The following ECT2 variants were observed in gnomAD, a reference collection of about 807,000 sequenced individuals.
ECT2 encodes epithelial cell transforming 2.
ECT2 carries 61 observed loss-of-function variants against 116.9 expected under a neutral mutation model. That is an observed-to-expected ratio of 0.52 (90% CI 0.42 to 0.65). The LOEUF is 0.65. Ranked by LOEUF, ECT2 falls within the 30% of genes least tolerant of loss-of-function variation. The pLI is 0.00. For missense variants in ECT2, 937 were observed against 1,078.7 expected, an observed-to-expected ratio of 0.87 and a Z score of 1.84; for synonymous variants, 358 against 346.4, an observed-to-expected ratio of 1.03 and a Z score of -0.37.
intron 1 of ECT2, among the ~76,000 whole-genome samples, chr3:172,753,091 AT>A (rs1168211615): frequency 2.0e-5 from 3 of 152,152 alleles, no homozygotes; most frequent in Non-Finnish European, 2.9e-5. Context: ...TGATAAAAAA[AT>A]CTCTAAAAAA....
chr3:172,824,821 C>G (rs1730803494), downstream of ECT2, among the ~76,000 whole-genome samples: 1 of 152,142 alleles, frequency 6.6e-6, no homozygotes, highest in South Asian at 2.1e-4. Context: ...TGTTCTACTA[C>G]CACAATGATG....
At chr3:172,789,288 C>T (rs1356908927) in intron 18 of ECT2, among the ~76,000 whole-genome samples, 4 of 149,562 alleles carry the variant, frequency 2.7e-5, no homozygotes, top group Non-Finnish European at 5.9e-5. Flanking sequence ...GGCACAGTCT[C>T]AACTCACTGA....
At position 172,757,135 on chromosome 3, in the gene ECT2, A is replaced by C. The variant is rs761544172; in HGVS notation, c.456A>C (p.Pro152=). ...CTGATTGTAGAGTTATTGGACCACC[A>C]GTTGTATTAAATTGTTCACAAAAAG... is the stretch of plus-strand genomic sequence containing the variant. ...YKADCRVIGP[P]VVLNCSQKGE... Residue 152 remains proline, a synonymous_variant, in exon 5 of 25, where the codon CCA becomes CCC. Coordinates refer to ENST00000392692, the MANE Select transcript of ECT2 (RefSeq NM_001258315.2). The C allele has an allele frequency of 2.0e-5, 30 of 1,534,010 alleles. No homozygotes were observed. Among genetic ancestry groups the C allele is most frequent in the Non-Finnish European group, 2.6e-5 (30 of 1,146,972 alleles).
chr3:172,824,453 C>T (rs894537802), downstream of ECT2, among the ~76,000 whole-genome samples: 1 of 152,108 alleles, frequency 6.6e-6, no homozygotes, highest in African/African-American at 2.4e-5. Context: ...CTTATGAGAA[C>T]AGCACCAGGG....
In ECT2 at chr3:172,761,615, T is replaced by C; in HGVS notation, c.690T>C (p.Ala230=). The change falls in exon 8 of 25, where the codon GCT becomes GCC. Residue 230 remains alanine (A), a synonymous_variant. Coordinates refer to ENST00000392692, the MANE Select transcript of ECT2 (RefSeq NM_001258315.2). ...NCTQGEKFRV[A]VSLGTPIMKP... ...TGTAATGTTTATATTTTTAGGTTGC[T>C]GTGAGTCTAGGTACTCCAATTATGA... is the stretch of plus-strand genomic sequence containing the variant. 6.8e-6 allele frequency: 11 copies of C among 1,607,944 alleles called. No homozygotes were observed. The highest frequency in any genetic ancestry group is 9.4e-6 in the Non-Finnish European group (11 of 1,175,328).
intron 18 of ECT2, among the ~76,000 whole-genome samples, chr3:172,799,329 C>T (rs1399946432): frequency 1.3e-5 from 2 of 152,170 alleles, no homozygotes; most frequent in African/African-American, 4.8e-5. Flanking sequence ...ATATCTTATG[C>T]TTTAATCAGA....
intron 8 of ECT2, among the ~76,000 whole-genome samples, chr3:172,762,051 T>C (rs1576856257): frequency 6.6e-6 from 1 of 152,270 alleles, no homozygotes; most frequent in East Asian, 1.9e-4. Context: ...TGCTTAGTTT[T>C]CCAAGCGCAT....
intron 4 of ECT2, 42 bp downstream of exon 4, chr3:172,755,617 C>T (rs2108379361): frequency 9.6e-7 from 1 of 1,042,580 alleles, no homozygotes; most frequent in East Asian, 2.6e-5. Flanking sequence ...GCTGCACTTC[C>T]CTTGATTGTA....
At position 172,769,124 on chromosome 3, in the gene ECT2, T is replaced by C; in HGVS notation, c.1409T>C (p.Ile470Thr). 7 of 1,612,444 alleles carry C rather than the reference T, an allele frequency of 4.3e-6. No homozygotes were observed. Among genetic ancestry groups the C allele is most frequent in the Non-Finnish European group, 5.9e-6 (7 of 1,178,974 alleles). ...LYQTESNYVN[I>T]LATIIQLFQV... is the part of the protein sequence containing the mutation. Reference sequence around the variant, plus strand: ...CAAACTGAAAGTAATTATGTTAATATATTGGCAACAATTATTCAGGTAAGT... The same window carrying C: ...CAAACTGAAAGTAATTATGTTAATACATTGGCAACAATTATTCAGGTAAGT... The change falls in exon 13 of 25, where the codon ATA becomes ACA. Residue 470 changes from isoleucine (I) to threonine (T), a missense_variant. Coordinates refer to ENST00000392692, the MANE Select transcript of ECT2 (RefSeq NM_001258315.2).
the ECT2 span, among the ~76,000 whole-genome samples, chr3:172,826,757 C>T: frequency 6.6e-6 from 1 of 152,266 alleles, no homozygotes; most frequent in South Asian, 2.1e-4. Context: ...CAGCAGCCAT[C>T]AACATTGAGG....
At chr3:172,797,942 A>G (rs767728445) in intron 18 of ECT2, among the ~76,000 whole-genome samples, 1 of 152,172 alleles carries the variant, frequency 6.6e-6, no homozygotes, top group South Asian at 2.1e-4. Context: ...TATTTCACAA[A>G]TGACCTGTGA....
rs1050674508 is a variant in ECT2, at chr3:172,764,159, G to T, written c.1069-119G>T. On this transcript the variant is annotated intron_variant, in intron 11 of 24. Transcript: ENST00000392692. ...TTTGAATTGCCTGGTAGAGTGTAGGGTTATAAAATTATTGTGCAAAATCCA... is the reference window on the plus strand; with the variant it reads ...TTTGAATTGCCTGGTAGAGTGTAGGTTTATAAAATTATTGTGCAAAATCCA... The T allele has an allele frequency of 7.1e-6, 6 of 842,562 alleles. No individual in the cohort carries two copies. In the African/African-American group the frequency reaches 1.0e-4, roughly 14 times the overall value. 52.2% of individuals were successfully genotyped at this position (842,562 alleles called of 1,614,324 possible).
At position 172,760,273 on chromosome 3, in the gene ECT2, CTT is replaced by C; in HGVS notation, c.684+11_684+12del. 6.3e-7 allele frequency: 1 copy of C among 1,575,468 alleles called. No individual in the cohort carries two copies. The highest frequency in any genetic ancestry group is 8.7e-7 in the Non-Finnish European group (1 of 1,148,754). ...AGGAGAAAAATTCAGGGTATGTAAACTTGGGTATTTTTGTGTATTTCAATACA... is the reference window on the plus strand; with the variant it reads ...AGGAGAAAAATTCAGGGTATGTAAACGGGTATTTTTGTGTATTTCAATACA... On this transcript the variant is annotated intron_variant, in intron 7 of 24. Transcript: ENST00000392692.
intron 22 of ECT2, among the ~76,000 whole-genome samples, chr3:172,811,132 G>A (rs1053621926): frequency 3.3e-5 from 5 of 151,580 alleles, no homozygotes; most frequent in Non-Finnish European, 5.9e-5. Flanking sequence ...TTATTTTTTC[G>A]TCCTTGTCCT....
At chr3:172,769,212 T>A in intron 13 of ECT2, 69 bp downstream of exon 13, 1 of 1,412,980 alleles carries the variant, frequency 7.1e-7, no homozygotes, top group Non-Finnish European at 9.6e-7. Context: ...CTAGGTGATA[T>A]TGTTTCTTAC....
At chr3:172,763,840 A>C (rs1257122897) in intron 11 of ECT2, among the ~76,000 whole-genome samples, 1 of 152,204 alleles carries the variant, frequency 6.6e-6, no homozygotes, top group Admixed American at 6.5e-5. Flanking sequence ...AGTCTTTGAA[A>C]TGTGAAGTTC....
At chr3:172,791,000 C>T (rs958999513) in intron 18 of ECT2, among the ~76,000 whole-genome samples, 15 of 152,122 alleles carry the variant, frequency 9.9e-5, no homozygotes, top group Admixed American at 8.5e-4. Context: ...ACTAAAAGTA[C>T]AAAAATTAGC....
chr3:172,810,524 A>G (rs1728581598), intron 22 of ECT2, among the ~76,000 whole-genome samples: 2 of 152,206 alleles, frequency 1.3e-5, no homozygotes, highest in South Asian at 4.1e-4. Flanking sequence ...TTTATTAGGC[A>G]TACCTAGTAA....
At chr3:172,793,375 A>G (rs1012601463) in intron 18 of ECT2, among the ~76,000 whole-genome samples, 61 of 151,334 alleles carry the variant, frequency 4.0e-4, no homozygotes, top group Non-Finnish European at 2.5e-4. Context: ...ATGTTGGCCA[A>G]GTTGGCCTCG....
Sources: gnomAD v4.1 joint callset for allele counts (sites outside exome capture counted in the v4.1 genomes callset) on GRCh38, gnomAD v4.1.1 for gene constraint, MANE v1.5 for transcripts, NCBI Gene and HGNC (gene_info 2026-07-23, HGNC 2026-07-21) for gene names.